Variants in EPB41L3 observed in about 807,000 individuals in gnomAD.
The protein encoded by EPB41L3 is band 4.1-like protein 3.
In EPB41L3, 57 loss-of-function variants were observed where a neutral mutation model predicts 127.1. That is an observed-to-expected ratio of 0.45 (90% CI 0.36 to 0.56). EPB41L3 has a LOEUF of 0.56. Among genes scored for constraint, EPB41L3 ranks in the 20% least tolerant of loss-of-function variants. EPB41L3 has a pLI of 0.00. For synonymous variants in EPB41L3, 572 were observed against 549.5 expected (o/e 1.04, Z -0.57); for missense variants, 1,273 against 1,372.2 (o/e 0.93, Z 1.14).
At chr18:5,526,520 A>G (rs779152510) in intron 1 of EPB41L3, among the ~76,000 whole-genome samples, 2 of 152,212 alleles carry the variant, frequency 1.3e-5, no homozygotes, top group South Asian at 2.1e-4. Flanking sequence ...AAAAATGAAG[A>G]GAGACCATTC....
At chr18:5,441,526 C>A (rs1054684071) in intron 5 of EPB41L3, among the ~76,000 whole-genome samples, 2 of 148,540 alleles carry the variant, frequency 1.3e-5, no homozygotes, top group Non-Finnish European at 2.9e-5. Flanking sequence ...AGCGCAGTGG[C>A]GCGATCTCGA....
At chr18:5,512,962 C>T (rs928925792) in intron 1 of EPB41L3, among the ~76,000 whole-genome samples, 3 of 152,162 alleles carry the variant, frequency 2.0e-5, no homozygotes, top group African/African-American at 7.2e-5. Flanking sequence ...GCAGTTTCTG[C>T]AGAGATTAGA....
chr18:5,533,883 GGCCGGGC>G (rs2093487898), intron 1 of EPB41L3, among the ~76,000 whole-genome samples: 3 of 152,170 alleles, frequency 2.0e-5, no homozygotes, highest in African/African-American at 7.2e-5. Flanking sequence ...AGAAACCCAA[GGCCGGGC>G]GCCGTGGCTG....
At chr18:5,473,687 TTTTTA>T (rs2086594894) in intron 3 of EPB41L3, among the ~76,000 whole-genome samples, 1 of 152,058 alleles carries the variant, frequency 6.6e-6, no homozygotes, top group Admixed American at 6.6e-5. Context: ...AACAGAGATA[TTTTTA>T]TTTATTTTCT....
chr18:5,470,985 T>C (rs910461966), intron 3 of EPB41L3, among the ~76,000 whole-genome samples: 5 of 152,122 alleles, frequency 3.3e-5, no homozygotes, highest in Non-Finnish European at 7.4e-5. Flanking sequence ...CTTCCTTTTC[T>C]CCCTGAGGTT....
chr18:5,449,990 T>TA (rs535419208), intron 3 of EPB41L3, among the ~76,000 whole-genome samples: 2 of 152,038 alleles, frequency 1.3e-5, no homozygotes, highest in Non-Finnish European at 2.9e-5. Context: ...TCCCTCAAAA[T>TA]ATCTTATTGT....
intron 3 of EPB41L3, among the ~76,000 whole-genome samples, chr18:5,476,610 T>C (rs554000190): frequency 5.9e-5 from 9 of 152,354 alleles, no homozygotes; most frequent in African/African-American, 2.2e-4. Context: ...TTACCCTATT[T>C]ATTCCATTAC....
intron 8 of EPB41L3, among the ~76,000 whole-genome samples, chr18:5,432,945 G>T (rs930043477): frequency 6.6e-6 from 1 of 152,216 alleles, no homozygotes; most frequent in African/African-American, 2.4e-5. Flanking sequence ...TGGTATGTAT[G>T]AAGGTAGGGC....
At chr18:5,538,218 T>C (rs995776433) in intron 1 of EPB41L3, among the ~76,000 whole-genome samples, 7 of 152,198 alleles carry the variant, frequency 4.6e-5, no homozygotes, top group Non-Finnish European at 8.8e-5. Context: ...CTCTACCAAA[T>C]TGCACGTCAA....
intron 3 of EPB41L3, among the ~76,000 whole-genome samples, chr18:5,553,958 A>G (rs2149160514): frequency 6.6e-6 from 1 of 152,120 alleles, no homozygotes; most frequent in South Asian, 2.1e-4. Flanking sequence ...CACTCCAGGC[A>G]CTCTGTGCTT....
intron 8 of EPB41L3, among the ~76,000 whole-genome samples, chr18:5,431,887 C>CT (rs1307229949): frequency 6.6e-6 from 1 of 152,144 alleles, no homozygotes; most frequent in African/African-American, 2.4e-5. Flanking sequence ...TCTTTGTTAT[C>CT]TGAGTGCAAA....
At chr18:5,516,495 C>T (rs750810645) in intron 1 of EPB41L3, among the ~76,000 whole-genome samples, 2 of 152,120 alleles carry the variant, frequency 1.3e-5, no homozygotes, top group South Asian at 2.1e-4. Context: ...GAAAAAGGGG[C>T]TTTAAAACCA....
In EPB41L3 at chr18:5,512,462, G is replaced by T. The variant is rs1424203368; in HGVS notation, c.-11-23268C>A. 5.9e-5 allele frequency among the ~76,000 whole-genome samples: 9 copies of T among 152,146 alleles called. No individual in the cohort carries two copies. In the South Asian group the frequency reaches 1.0e-3, roughly 18 times the overall value. On this transcript the variant is annotated intron_variant, in intron 1 of 22. Coordinates refer to ENST00000341928, the MANE Select transcript of EPB41L3 (RefSeq NM_012307.5). ...ACAGGAGGCTCAAGAGGTCACGAGCGATCTGACCGCAAAGGGAACTCATCA... is the reference window on the plus strand; with the variant it reads ...ACAGGAGGCTCAAGAGGTCACGAGCTATCTGACCGCAAAGGGAACTCATCA...
At chr18:5,488,684 A>G (rs1599666523) in intron 2 of EPB41L3, 1 of 273,684 alleles carries the variant, frequency 3.7e-6, no homozygotes, top group African/African-American at 2.2e-5. Flanking sequence ...ACTTGAAAGA[A>G]AAAGCAACCA....
Position 5,445,080 on chromosome 18 carries a change from C to T in EPB41L3, c.486+60G>A. On this transcript the variant is annotated intron_variant, in intron 4 of 22. Transcript: ENST00000341928. ...GATCCACCCATTCAGTTTCAGTTCA[C>T]TTTCTGGCAGTAATGAGCAGTTCAA... 3.8e-6 allele frequency: 5 copies of T among 1,306,548 alleles called. No individual in the cohort carries two copies. The East Asian group carries it at 6.9e-5, about 18-fold the overall frequency. The allele number at this position is 1,306,548 out of a possible 1,614,324, so 80.9% of individuals were successfully genotyped here.
intron 1 of EPB41L3, among the ~76,000 whole-genome samples, chr18:5,490,611 T>C (rs927429218): frequency 6.6e-6 from 1 of 152,246 alleles, no homozygotes; most frequent in Non-Finnish European, 1.5e-5. Context: ...CGAGTCTGAA[T>C]ACAGAGAAAG....
chr18:5,537,898 A>G (rs1239760076), intron 1 of EPB41L3, among the ~76,000 whole-genome samples: 1 of 152,188 alleles, frequency 6.6e-6, no homozygotes, highest in African/African-American at 2.4e-5. Context: ...ATACATAGAA[A>G]AACAATCACT....
At chr18:5,406,668 AG>A in intron 16 of EPB41L3, 108 bp downstream of exon 16, 1 of 980,304 alleles carries the variant, frequency 1.0e-6, no homozygotes, top group Non-Finnish European at 1.5e-6. Context: ...AAACATAGGT[AG>A]GAAGAGAGAT....
At chr18:5,525,241 T>C (rs1279025664) in intron 1 of EPB41L3, among the ~76,000 whole-genome samples, 9 of 152,040 alleles carry the variant, frequency 5.9e-5, no homozygotes, top group Admixed American at 3.9e-4. Flanking sequence ...AGCTGGTCAG[T>C]GTGGTGCCCA....
Sources: allele counts gnomAD v4.1 joint callset (sites outside exome capture counted in the v4.1 genomes callset), GRCh38; gene constraint gnomAD v4.1.1; transcripts MANE v1.5; gene names NCBI Gene and HGNC (gene_info 2026-07-23, HGNC 2026-07-21).